SRGAP1: variants seen among roughly 807,000 people sequenced by gnomAD.
SRGAP1 encodes SLIT-ROBO Rho GTPase-activating protein 1.
SRGAP1 carries 43 observed loss-of-function variants against 121.9 expected under a neutral mutation model. That is an observed-to-expected ratio of 0.35 (90% CI 0.28 to 0.46). SRGAP1 has a LOEUF of 0.46. SRGAP1 is among the 20% of genes least tolerant of loss of function. The pLI, the probability that SRGAP1 is intolerant of heterozygous loss-of-function variation, is 1.00. For synonymous variants in SRGAP1, 447 were observed against 485.4 expected (o/e 0.92, Z 1.04); for missense variants, 1,102 against 1,350.9 (o/e 0.82, Z 2.89).
chr12:64,016,970 A>G lies in SRGAP1; in HGVS notation c.447A>G (p.Gln149=). Residue 149 remains glutamine, a synonymous_variant, in exon 4 of 22, where the codon CAA becomes CAG. Coordinates refer to ENST00000355086, the MANE Select transcript of SRGAP1 (RefSeq NM_020762.4). ...TACAGAGCAAAGAGATTGCATTCCA[A>G]CTTCATGAGGATTTAATGAAGGTTC... The part of the protein sequence containing the change: ...MFKKSKEIAF[Q]LHEDLMKVLN... 1.9e-6 allele frequency: 3 copies of G among 1,551,178 alleles called. No individual in the cohort carries two copies. The highest frequency in any genetic ancestry group is 2.7e-6 in the Non-Finnish European group (3 of 1,129,564).
intron 8 of SRGAP1, among the ~76,000 whole-genome samples, chr12:64,077,756 G>T (rs899076581): frequency 6.6e-6 from 1 of 151,814 alleles, no homozygotes; most frequent in Non-Finnish European, 1.5e-5. Context: ...AACACTAAAA[G>T]GAAAGAATTG....
Position 64,142,682 on chromosome 12 carries a change from A to T in SRGAP1, c.*10A>T. ...GTCATGCACAATGTAAAAACCAGCC[A>T]AGCAAGGCCATAAAGGGAGGTGACT... is the stretch of plus-strand genomic sequence containing the variant. On this transcript the variant is annotated 3_prime_UTR_variant, in exon 22 of 22. Transcript: ENST00000355086. The T allele has an allele frequency of 4.4e-6, 7 of 1,597,886 alleles. No homozygotes were observed. The highest frequency in any genetic ancestry group is 6.0e-6 in the Non-Finnish European group (7 of 1,169,072).
chr12:63,898,066 C>G (rs1900812681), intron 1 of SRGAP1, among the ~76,000 whole-genome samples: 1 of 152,210 alleles, frequency 6.6e-6, no homozygotes, highest in African/African-American at 2.4e-5. Flanking sequence ...ACTTTGTTAT[C>G]TAACCAGTTT....
At chr12:64,057,201 A>C (rs992263022) in intron 6 of SRGAP1, among the ~76,000 whole-genome samples, 7 of 152,178 alleles carry the variant, frequency 4.6e-5, no homozygotes, top group Admixed American at 3.3e-4. Context: ...TCCCTATCAC[A>C]CAGATGTGCC....
chr12:64,147,179 A>C lies in SRGAP1; in HGVS notation c.*4507A>C. ...ACTGAAGGGTAACTGCTGCCCGCGT[A>C]ATTAAATCAGTATTGTCCTTTCCTG... On this transcript the variant is annotated 3_prime_UTR_variant, in exon 22 of 22. Transcript: ENST00000355086. 1 of 263,172 alleles carries C rather than the reference A, an allele frequency of 3.8e-6. No homozygotes were observed. The highest frequency in any genetic ancestry group is 7.1e-6 in the Non-Finnish European group (1 of 140,020). 16.3% of individuals were successfully genotyped at this position (263,172 alleles called of 1,614,324 possible).
At chr12:63,974,619 G>A (rs574703259) in intron 1 of SRGAP1, among the ~76,000 whole-genome samples, 21 of 152,122 alleles carry the variant, frequency 1.4e-4, no homozygotes, top group African/African-American at 5.1e-4. Context: ...CACCTCTAGA[G>A]TTCTAAGATG....
At chr12:64,085,017 T>C (rs992790061) in intron 10 of SRGAP1, among the ~76,000 whole-genome samples, 7 of 152,182 alleles carry the variant, frequency 4.6e-5, no homozygotes, top group African/African-American at 1.7e-4. Context: ...TCTTTCAAAG[T>C]ATTTGCCAGG....
rs2037082179 is a variant in SRGAP1 at position 64,148,257 on chromosome 12, C to T, written c.*5585C>T. On this transcript the variant is annotated 3_prime_UTR_variant, in exon 22 of 22. Transcript: ENST00000355086. ...AGGTTATTTTTCTGTGCTTAGAACT[C>T]CCCGTGTATTGGTATTTTTCTTTAC... is the stretch of plus-strand genomic sequence containing the variant. The T allele has an allele frequency of 6.6e-6, 1 of 151,022 alleles. No homozygotes were observed. Among genetic ancestry groups the T allele is most frequent in the African/African-American group, 2.4e-5 (1 of 41,096 alleles). The allele number at this position is 151,022 out of a possible 1,614,324, so 9.4% of individuals were successfully genotyped here.
intron 6 of SRGAP1, among the ~76,000 whole-genome samples, chr12:64,056,586 CAT>C (rs1210968035): frequency 1.1e-4 from 16 of 148,144 alleles, no homozygotes; most frequent in Admixed American, 4.0e-4. Context: ...GAAAGAAAAA[CAT>C]AAATCAGATA....
At chr12:63,968,966 C>T (rs899898848) in intron 1 of SRGAP1, among the ~76,000 whole-genome samples, 4 of 152,062 alleles carry the variant, frequency 2.6e-5, no homozygotes, top group Admixed American at 6.6e-5. Flanking sequence ...ATCAGCTGTG[C>T]CTGTGAGTAG....
At chr12:63,910,869 A>G (rs1345324679) in intron 1 of SRGAP1, among the ~76,000 whole-genome samples, 1 of 152,128 alleles carries the variant, frequency 6.6e-6, no homozygotes, top group Non-Finnish European at 1.5e-5. Flanking sequence ...AAAAGGGCCT[A>G]CCCCAGAGTG....
rs2037201238 is a variant in SRGAP1, at chr12:64,160,502, A to C, written c.*17830A>C. ...CCCAGCCCTAGATTTACTTGGCTTT[A>C]GTTTCCATCACCATAGATTTCTCAA... On this transcript the variant is annotated 3_prime_UTR_variant, in exon 22 of 22. Transcript: ENST00000355086. 6.6e-6 allele frequency: 1 copy of C among 152,236 alleles called. No homozygotes were observed. Among genetic ancestry groups the C allele is most frequent in the African/African-American group, 2.4e-5 (1 of 41,470 alleles). 9.4% of individuals were successfully genotyped at this position (152,236 alleles called of 1,614,324 possible). A position where few individuals can be genotyped will look rare whatever the true frequency, so the allele number is the denominator to read the frequency against.
intron 1 of SRGAP1, among the ~76,000 whole-genome samples, chr12:63,884,198 G>A (rs1162073933): frequency 2.0e-5 from 3 of 152,006 alleles, no homozygotes; most frequent in Admixed American, 6.5e-5. Flanking sequence ...CAGGAGAATC[G>A]CTTGATCCCA....
At chr12:63,855,844 T>C (rs1293238381) in intron 1 of SRGAP1, among the ~76,000 whole-genome samples, 1 of 152,152 alleles carries the variant, frequency 6.6e-6, no homozygotes, top group Non-Finnish European at 1.5e-5. Context: ...AGTAGGTGTG[T>C]ATATCTTATT....
chr12:64,144,233 T>TTG lies in SRGAP1; in HGVS notation c.*1562_*1563insGT, dbSNP rs140603581. 1 of 151,270 alleles carries TTG rather than the reference T, an allele frequency of 6.6e-6. No homozygotes were observed. The highest frequency in any genetic ancestry group is 2.4e-5 in the African/African-American group (1 of 41,082). 9.4% of individuals were successfully genotyped at this position (151,270 alleles called of 1,614,324 possible). A position where few individuals can be genotyped will look rare whatever the true frequency, so the allele number is the denominator to read the frequency against. On this transcript the variant is annotated 3_prime_UTR_variant, in exon 22 of 22. Transcript: ENST00000355086. ...ATCATTGAAGTTACTGATAAAGATT[T>TTG]TTGTTGTTGTTGTTGTTGTTGGGAG...
In SRGAP1 at chr12:64,028,477, T is replaced by A. The variant is rs561607340; in HGVS notation, c.489+11465T>A. ...AGCACTGGATAGGCTATAGCTATTGTGGGCTGAAAAGATTTTCTTAGTTTG... is the reference window on the plus strand; with the variant it reads ...AGCACTGGATAGGCTATAGCTATTGAGGGCTGAAAAGATTTTCTTAGTTTG... On this transcript the variant is annotated intron_variant, in intron 4 of 21. Transcript: ENST00000355086. Among the ~76,000 whole-genome samples, 374 of 152,362 alleles carry A rather than the reference T, an allele frequency of 2.5e-3. 1 individual carries two copies. Among genetic ancestry groups the A allele is most frequent in the African/African-American group, 8.6e-3 (357 of 41,586 alleles).
At chr12:64,133,056 C>T (rs1390067426) in intron 21 of SRGAP1, among the ~76,000 whole-genome samples, 1 of 152,194 alleles carries the variant, frequency 6.6e-6, no homozygotes, top group Non-Finnish European at 1.5e-5. Context: ...TACAATAATC[C>T]ACTGTCATTC....
chr12:64,025,232 A>G (rs774199610), intron 4 of SRGAP1, among the ~76,000 whole-genome samples: 1 of 152,018 alleles, frequency 6.6e-6, no homozygotes, highest in African/African-American at 2.4e-5. Flanking sequence ...CCTTGAAAAC[A>G]GCCTCCGAGG....
intron 1 of SRGAP1, among the ~76,000 whole-genome samples, chr12:63,925,633 A>G (rs59274311): frequency 2.0e-5 from 3 of 152,364 alleles, no homozygotes; most frequent in South Asian, 2.1e-4. Flanking sequence ...GTTAATATCT[A>G]AAGTAGAAAA....
Sources: allele counts gnomAD v4.1 joint callset (sites outside exome capture counted in the v4.1 genomes callset), GRCh38; gene constraint gnomAD v4.1.1; transcripts MANE v1.5; gene names NCBI Gene and HGNC (gene_info 2026-07-23, HGNC 2026-07-21).